Variants in TMEM50B observed in about 807,000 individuals in gnomAD.
The protein encoded by TMEM50B is transmembrane protein 50B.
Under a neutral mutation model 23.4 loss-of-function variants are expected in TMEM50B, and 14 were observed. The ratio of observed to expected loss-of-function variants is 0.60; its 90% CI spans 0.39 to 0.93. The LOEUF (loss-of-function observed/expected upper bound fraction) is 0.93. Ranked by LOEUF, TMEM50B falls within the 40% of genes least tolerant of loss-of-function variation. TMEM50B has a pLI of 0.00. For synonymous variants in TMEM50B, 64 were observed against 62.3 expected (o/e 1.03, Z -0.13); for missense variants, 159 against 193.0 (o/e 0.82, Z 1.04).
At chr21:33,475,669 A>G (rs1047888580) in intron 1 of TMEM50B, among the ~76,000 whole-genome samples, 10 of 151,502 alleles carry the variant, frequency 6.6e-5, no homozygotes, top group Admixed American at 2.0e-4. Context: ...AAAAAAGAAC[A>G]AGCAGCTGGG....
chr21:33,475,889 G>A (rs910205149), intron 1 of TMEM50B, among the ~76,000 whole-genome samples: 4 of 152,026 alleles, frequency 2.6e-5, no homozygotes, highest in African/African-American at 7.2e-5. Context: ...AGGAGGTGGA[G>A]GTTGCAGTGA....
chr21:33,461,161 C>A (rs183973274), intron 4 of TMEM50B, among the ~76,000 whole-genome samples: 2 of 152,210 alleles, frequency 1.3e-5, no homozygotes, highest in Non-Finnish European at 2.9e-5. Flanking sequence ...CACAGGTATA[C>A]TGACAGCCCC....
intron 4 of TMEM50B, among the ~76,000 whole-genome samples, chr21:33,461,531 T>A (rs1160175329): frequency 6.6e-6 from 1 of 152,108 alleles, no homozygotes; most frequent in Non-Finnish European, 1.5e-5. Context: ...AGGCGGGGCA[T>A]GGTAGCTCAC....
At chr21:33,452,009 T>C (rs1453611275) in intron 6 of TMEM50B, among the ~76,000 whole-genome samples, 1 of 152,176 alleles carries the variant, frequency 6.6e-6, no homozygotes, top group Non-Finnish European at 1.5e-5. Flanking sequence ...TGCCAGCCTC[T>C]GGGCAGAGCA....
chr21:33,472,040 A>G (rs2084322333), intron 1 of TMEM50B, among the ~76,000 whole-genome samples: 1 of 149,980 alleles, frequency 6.7e-6, no homozygotes. Flanking sequence ...AAAAAAAAAA[A>G]AAAAGAAAGA....
chr21:33,448,530 G>C (rs2123409782), downstream of TMEM50B, among the ~76,000 whole-genome samples: 1 of 151,730 alleles, frequency 6.6e-6, no homozygotes, highest in South Asian at 2.1e-4. Flanking sequence ...GCCCAGACTG[G>C]AGTGCAGTGG....
chr21:33,433,009 C>T, intron 8 of TMEM50B: 1 of 739,206 alleles, frequency 1.4e-6, no homozygotes. Flanking sequence ...CCTCAGCCTC[C>T]TGAGTAGCTG....
At chr21:33,437,239 G>C in intron 8 of TMEM50B, 1 of 408,554 alleles carries the variant, frequency 2.4e-6, no homozygotes, top group South Asian at 2.5e-5. Flanking sequence ...GTAATTGCTT[G>C]TTAGCAAAAT....
At chr21:33,473,080 T>C (rs775001222) in intron 1 of TMEM50B, among the ~76,000 whole-genome samples, 1 of 151,602 alleles carries the variant, frequency 6.6e-6, no homozygotes, top group African/African-American at 2.4e-5. Context: ...GACAGAACAA[T>C]AGGAATGATG....
intron 6 of TMEM50B, among the ~76,000 whole-genome samples, chr21:33,451,157 A>C (rs2084116300): frequency 6.6e-6 from 1 of 152,202 alleles, no homozygotes; most frequent in South Asian, 2.1e-4. Context: ...TGAATCAATA[A>C]ATCAAAAGAA....
At chr21:33,460,544 G>T in intron 4 of TMEM50B, 39 bp from the exon 5 acceptor site, 1 of 1,350,960 alleles carries the variant, frequency 7.4e-7, no homozygotes, top group Non-Finnish European at 1.0e-6. Flanking sequence ...GTTCATTTTT[G>T]CAGCTCTGTA....
chr21:33,451,217 G>A (rs1290002111), intron 6 of TMEM50B, among the ~76,000 whole-genome samples: 1 of 152,176 alleles, frequency 6.6e-6, no homozygotes, highest in African/African-American at 2.4e-5. Flanking sequence ...GCCATTTTAT[G>A]TCTCCAGGAG....
intron 8 of TMEM50B, among the ~76,000 whole-genome samples, chr21:33,435,002 T>TGTTTCACTTATAATTCTGGG (rs2083930750): frequency 6.6e-6 from 1 of 152,218 alleles, no homozygotes; most frequent in Non-Finnish European, 1.5e-5. Context: ...CAGTGAATCA[T>TGTTTCACTTATAATTCTGGG]GTTTCACTTA....
chr21:33,463,258 C>G (rs2084233745), intron 4 of TMEM50B, among the ~76,000 whole-genome samples: 1 of 152,230 alleles, frequency 6.6e-6, no homozygotes, highest in African/African-American at 2.4e-5. Flanking sequence ...CACCACTGTA[C>G]TCCAGTCTGG....
In TMEM50B at chr21:33,465,558, C is replaced by T. The variant is rs572096102; in HGVS notation, c.213-149G>A. The stretch of plus-strand genomic sequence containing the variant: ...ACATATTTTTAACCTAATAAAAATG[C>T]TAGTTGATAGAAATGTTACATTAGT... On this transcript the variant is annotated intron_variant, in intron 3 of 6. Coordinates refer to ENST00000542230, the MANE Select transcript of TMEM50B (RefSeq NM_006134.7). The T allele has an allele frequency of 2.4e-5, 14 of 573,470 alleles. No individual in the cohort carries two copies. In the East Asian group the frequency reaches 3.1e-4, roughly 13 times the overall value. 35.5% of individuals were successfully genotyped at this position (573,470 alleles called of 1,614,324 possible). A position where few individuals can be genotyped will look rare whatever the true frequency, so the allele number is the denominator to read the frequency against.
chr21:33,472,604 C>T (rs1004457170), intron 1 of TMEM50B, among the ~76,000 whole-genome samples: 1 of 151,666 alleles, frequency 6.6e-6, no homozygotes, highest in African/African-American at 2.4e-5. Flanking sequence ...GGGCTGGGCA[C>T]GGTGGCTCAC....
chr21:33,453,307 C>A (rs779689999), intron 6 of TMEM50B, among the ~76,000 whole-genome samples: 4 of 151,992 alleles, frequency 2.6e-5, no homozygotes, highest in African/African-American at 9.7e-5. Context: ...CCAGGCTGGT[C>A]TCGAACTCCT....
intron 1 of TMEM50B, chr21:33,479,141 T>A: frequency 4.5e-6 from 1 of 221,308 alleles, no homozygotes; most frequent in Admixed American, 5.4e-5. Flanking sequence ...ACTTACTGTT[T>A]TAAGTACCTT....
chr21:33,432,871 G>A (rs1368614058), intron 8 of TMEM50B: 3 of 1,611,698 alleles, frequency 1.9e-6, no homozygotes, highest in East Asian at 2.2e-5. Flanking sequence ...AGATAGAAGA[G>A]GTACGTGTGC....
Sources: gnomAD v4.1 joint callset for allele counts (sites outside exome capture counted in the v4.1 genomes callset) on GRCh38, gnomAD v4.1.1 for gene constraint, MANE v1.5 for transcripts, NCBI Gene and HGNC (gene_info 2026-07-23, HGNC 2026-07-21) for gene names.